Variants in C4orf17 observed in about 807,000 individuals in gnomAD.
C4orf17 encodes the protein chromosome 4 open reading frame 17.
Under a neutral mutation model 32.0 loss-of-function variants are expected in C4orf17, and 25 were observed. The observed-to-expected ratio is 0.78, with a 90% CI of 0.57 to 1.09. C4orf17 has a LOEUF of 1.09. C4orf17 is among the 50% of genes least tolerant of loss of function. C4orf17 has a pLI of 0.00. For synonymous variants in C4orf17, 149 were observed against 145.8 expected, an observed-to-expected ratio of 1.02 and a Z score of -0.16; for missense variants, 420 against 420.0, an observed-to-expected ratio of 1.00 and a Z score of 0.00.
In C4orf17 at chr4:99,524,541, G is replaced by C. The variant is rs995299466; in HGVS notation, c.358G>C (p.Glu120Gln). Residue 120 changes from glutamate to glutamine, a missense_variant, in exon 4 of 9, where the codon GAG (glutamate) becomes CAG (glutamine). Transcript: ENST00000326581. ...TTCAGAGCCCAGTAGAAAAATTAAAGAGTGCTTCAAAACTTCCAGTGAGAA... is the reference window on the plus strand; with the variant it reads ...TTCAGAGCCCAGTAGAAAAATTAAACAGTGCTTCAAAACTTCCAGTGAGAA... ...PHSEPSRKIK[E>Q]CFKTSSENPL... is the part of the protein sequence containing the mutation. The C allele has an allele frequency of 2.0e-5, 32 of 1,602,806 alleles. No homozygotes were observed. The highest frequency in any genetic ancestry group is 5.4e-5 in the African/African-American group (4 of 74,646).
intron 2 of C4orf17, chr4:99,519,220 G>GTT (rs1723245739): frequency 6.6e-6 from 1 of 152,168 alleles, no homozygotes; most frequent in African/African-American, 2.4e-5. Context: ...CCACCAACCA[G>GTT]TCACTATATA....
At chr4:99,540,592 G>T in intron 8 of C4orf17, 137 bp downstream of exon 8, 1 of 602,916 alleles carries the variant, frequency 1.7e-6, no homozygotes. Context: ...ATCAATTCTT[G>T]AGAGAGCATC....
chr4:99,531,555 A>G (rs17597208), intron 5 of C4orf17, among the ~76,000 whole-genome samples: 10,621 of 152,208 alleles, frequency 0.07, 558 homozygotes, highest in Middle Eastern at 0.13. Flanking sequence ...TCCTACAAAA[A>G]TCAACTTCAC....
At chr4:99,531,224 A>T (rs886331278) in intron 5 of C4orf17, among the ~76,000 whole-genome samples, 6 of 152,010 alleles carry the variant, frequency 3.9e-5, no homozygotes, top group African/African-American at 1.4e-4. Context: ...AATTTAAATC[A>T]TATAAGATCT....
intron 1 of C4orf17, 30 bp downstream of exon 1, chr4:99,511,302 T>C (rs1723089800): frequency 6.6e-6 from 1 of 152,194 alleles, no homozygotes; most frequent in African/African-American, 2.4e-5. Context: ...ATTACAATAA[T>C]GTTCTAAAAT....
chr4:99,518,564 G>T (rs1346506363), intron 2 of C4orf17, among the ~76,000 whole-genome samples: 1 of 127,192 alleles, frequency 7.9e-6, no homozygotes. Flanking sequence ...GAGAGAGAGA[G>T]AGAGAGAGAG....
At chr4:99,531,777 A>G (rs1187735940) in intron 5 of C4orf17, among the ~76,000 whole-genome samples, 1 of 152,190 alleles carries the variant, frequency 6.6e-6, no homozygotes, top group Non-Finnish European at 1.5e-5. Context: ...AGGTTTTATC[A>G]AGATGTTTTG....
At chr4:99,522,347 A>ATTT (rs34420658) in intron 2 of C4orf17, among the ~76,000 whole-genome samples, 153 bp from the exon 3 acceptor site, 4,123 of 148,422 alleles carry the variant, frequency 0.028, 187 homozygotes, top group African/African-American at 0.097. Flanking sequence ...TCATAATACA[A>ATTT]TTTTTTTTTT....
chr4:99,538,706 G>GA (rs1370038537), intron 6 of C4orf17, among the ~76,000 whole-genome samples: 3 of 151,940 alleles, frequency 2.0e-5, no homozygotes, highest in Admixed American at 2.0e-4. Context: ...AGATGAGACA[G>GA]AAAAAAAATA....
chr4:99,535,996 G>T, intron 5 of C4orf17: 1 of 449,790 alleles, frequency 2.2e-6, no homozygotes, highest in Non-Finnish European at 4.5e-6. Context: ...GCAGTTTGCT[G>T]GGGGTCTGCT....
intron 8 of C4orf17, chr4:99,541,649 A>C: frequency 2.6e-6 from 1 of 380,988 alleles, no homozygotes; most frequent in South Asian, 2.8e-5. Flanking sequence ...CTTACCCATA[A>C]ACAATTCTAT....
At chr4:99,535,683 C>T (rs1723549517) in intron 5 of C4orf17, among the ~76,000 whole-genome samples, 2 of 152,148 alleles carry the variant, frequency 1.3e-5, no homozygotes, top group South Asian at 4.2e-4. Flanking sequence ...ACAACATGCT[C>T]CTTTAGCTTA....
rs1723121492 is a variant in C4orf17, at chr4:99,513,051, G to A, written c.-31G>A. The A allele has an allele frequency of 1.2e-6, 2 of 1,612,788 alleles. No homozygotes were observed. Among genetic ancestry groups the A allele is most frequent in the Non-Finnish European group, 1.7e-6 (2 of 1,179,362 alleles). On this transcript the variant is annotated 5_prime_UTR_variant, in exon 2 of 9. The change creates a new upstream start codon in the 5' untranslated region. Coordinates refer to ENST00000326581, the MANE Select transcript of C4orf17 (RefSeq NM_032149.3). ...GACCCCAAAAACTTTTGTGACAACA[G>A]TGAAGAGGGGAAAATAAACACACCA...
chr4:99,528,086 T>C (rs956464724), intron 4 of C4orf17, among the ~76,000 whole-genome samples: 1 of 152,194 alleles, frequency 6.6e-6, no homozygotes, highest in Admixed American at 6.5e-5. Flanking sequence ...CAGTCTAAAT[T>C]CAGATTTATT....
chr4:99,540,373 T>G, intron 7 of C4orf17, 39 bp from the exon 8 acceptor site: 1 of 1,505,662 alleles, frequency 6.6e-7, no homozygotes, highest in East Asian at 2.3e-5. Context: ...CTTTTTTGTA[T>G]CTGTGAAATT....
At chr4:99,536,586 C>G (rs1270212645) in intron 5 of C4orf17, among the ~76,000 whole-genome samples, 2 of 152,180 alleles carry the variant, frequency 1.3e-5, no homozygotes, top group East Asian at 3.9e-4. Context: ...CAGGCTAGAA[C>G]AGCTGAGTTG....
At position 99,522,662 on chromosome 4, in the gene C4orf17, T is replaced by A; in HGVS notation, c.290T>A (p.Met97Lys). Residue 97 changes from methionine to lysine, a missense_variant, in exon 3 of 9, where the codon ATG (methionine) becomes AAG (lysine). By Grantham distance (95) the Met-to-Lys change is moderately conservative. Transcript: ENST00000326581. The part of the protein sequence containing the change: ...TAVQESPVRG[M>K]SPAPNGAKVP... ...GTCCAGGAGAGCCCTGTAAGAGGAA[T>A]GTCGCCAGCCCCAAACGGTGCCAAA... 6.2e-7 allele frequency: 1 copy of A among 1,614,026 alleles called. No individual in the cohort carries two copies. The highest frequency in any genetic ancestry group is 8.5e-7 in the Non-Finnish European group (1 of 1,179,984).
intron 5 of C4orf17, among the ~76,000 whole-genome samples, chr4:99,536,968 C>T (rs1305761096): frequency 6.6e-6 from 1 of 152,022 alleles, no homozygotes; most frequent in African/African-American, 2.4e-5. Flanking sequence ...GCAGCCTGTT[C>T]TTCCCTCAGA....
intron 4 of C4orf17, among the ~76,000 whole-genome samples, chr4:99,525,510 G>C (rs1018058868): frequency 3.3e-5 from 5 of 152,100 alleles, no homozygotes; most frequent in South Asian, 2.1e-4. Flanking sequence ...ACATTGGGTT[G>C]TTGGCCAGGC....
Sources: allele counts gnomAD v4.1 joint callset (sites outside exome capture counted in the v4.1 genomes callset), GRCh38; gene constraint gnomAD v4.1.1; transcripts MANE v1.5; gene names NCBI Gene and HGNC (gene_info 2026-07-23, HGNC 2026-07-21).